Variants in KHDRBS3 observed in about 807,000 individuals in gnomAD.
KHDRBS3 encodes the protein KH RNA binding domain containing, signal transduction associated 3.
In KHDRBS3, 23 loss-of-function variants were observed where a neutral mutation model predicts 45.6. That is an observed-to-expected ratio of 0.50 (90% CI 0.36 to 0.72). KHDRBS3 has a LOEUF of 0.72. Ranked by LOEUF, KHDRBS3 falls within the 30% of genes least tolerant of loss-of-function variation. The probability of loss-of-function intolerance (pLI) is 0.00; values close to 1 mark genes in which losing one functional copy is unlikely to be tolerated. For missense variants in KHDRBS3, 352 were observed against 424.8 expected (o/e 0.83, Z 1.51); for synonymous variants, 162 against 156.5 (o/e 1.04, Z -0.26).
Position 135,602,576 on chromosome 8 carries a change from G to GTT in KHDRBS3, c.808-4370_808-4369dup, listed in dbSNP as rs5895318. ...AAACAGTATACTGCTTAATATTTTA[G>GTT]TTTTTTTTTTATAATTCTAGTCATT... On this transcript the variant is annotated intron_variant, in intron 6 of 8. Coordinates refer to ENST00000355849, the MANE Select transcript of KHDRBS3 (RefSeq NM_006558.3). Among the ~76,000 whole-genome samples the GTT allele has an allele frequency of 4.6e-4, 69 of 150,192 alleles. 1 individual carries two copies. In the East Asian group the frequency reaches 5.7e-3, roughly 12 times the overall value.
At chr8:135,465,122 TAACTC>T (rs1167855682) in intron 1 of KHDRBS3, among the ~76,000 whole-genome samples, 11 of 152,212 alleles carry the variant, frequency 7.2e-5, no homozygotes, top group Non-Finnish European at 1.5e-4. Flanking sequence ...GAAACAGTGT[TAACTC>T]AACAAGGAAT....
intron 1 of KHDRBS3, among the ~76,000 whole-genome samples, chr8:135,511,533 GT>G (rs1248851856): frequency 6.6e-6 from 1 of 150,620 alleles, no homozygotes; most frequent in South Asian, 2.1e-4. Context: ...TATTTGCTCT[GT>G]TTTTTTGTTT....
chr8:135,498,481 A>C (rs1302360329), intron 1 of KHDRBS3, among the ~76,000 whole-genome samples: 1 of 152,216 alleles, frequency 6.6e-6, no homozygotes, highest in Non-Finnish European at 1.5e-5. Context: ...TAGATTTCAT[A>C]GCCCTGCCTA....
chr8:135,458,931 T>C (rs1346456720), intron 1 of KHDRBS3: 2 of 456,202 alleles, frequency 4.4e-6, no homozygotes, highest in Non-Finnish European at 8.8e-6. Flanking sequence ...CCTTCCTTCC[T>C]GGGAGCAGTC....
Position 135,581,952 on chromosome 8 carries a change from T to TGTCC in KHDRBS3, c.687_690dup (p.Thr231ValfsTer41). 6.2e-7 allele frequency: 1 copy of TGTCC among 1,613,602 alleles called. No homozygotes were observed. The highest frequency in any genetic ancestry group is 8.5e-7 in the Non-Finnish European group (1 of 1,179,710). On this transcript the variant is annotated frameshift_variant, in exon 6 of 9. Coordinates refer to ENST00000355849, the MANE Select transcript of KHDRBS3 (RefSeq NM_006558.3). LOFTEE classifies it high-confidence loss of function. ...GGGACGCCAACTCCCAGAGGAGTCC[T>TGTCC]GTCCACCCGAGGGCCAGTGAGTCGG...
At chr8:135,651,815 G>A (rs775832674), downstream of KHDRBS3, among the ~76,000 whole-genome samples, 24 of 152,124 alleles carry the variant, frequency 1.6e-4, no homozygotes, top group Non-Finnish European at 3.2e-4. Context: ...GTCACTGTGA[G>A]CAAGATGATT....
intron 7 of KHDRBS3, among the ~76,000 whole-genome samples, chr8:135,610,839 A>C (rs532629038): frequency 4.7e-4 from 72 of 151,956 alleles, no homozygotes; most frequent in Middle Eastern, 3.4e-3. Flanking sequence ...TGTGGCACAC[A>C]GGAGCTGTGG....
intron 1 of KHDRBS3, among the ~76,000 whole-genome samples, chr8:135,507,666 T>C (rs1014029719): frequency 3.3e-5 from 5 of 152,208 alleles, no homozygotes; most frequent in African/African-American, 9.7e-5. Flanking sequence ...TGTGAAGAGA[T>C]AGCATCTGAC....
chr8:135,467,461 C>T (rs890933116), intron 1 of KHDRBS3, among the ~76,000 whole-genome samples: 1 of 152,242 alleles, frequency 6.6e-6, no homozygotes, highest in African/African-American at 2.4e-5. Flanking sequence ...AAGTCAAGAT[C>T]ACACATTTCG....
intron 2 of KHDRBS3, 88 bp from the exon 3 acceptor site, chr8:135,542,566 T>C (rs1826095705): frequency 1.2e-6 from 1 of 812,192 alleles, no homozygotes; most frequent in Middle Eastern, 2.5e-4. Context: ...CAATGATGTG[T>C]AGCACACTAC....
intron 6 of KHDRBS3, among the ~76,000 whole-genome samples, chr8:135,601,916 C>T (rs367571844): frequency 2.6e-5 from 4 of 152,136 alleles, no homozygotes; most frequent in African/African-American, 7.2e-5. Flanking sequence ...TGAGAAAAAA[C>T]GAGCAACCAG....
chr8:135,513,842 T>G (rs1824432422), intron 1 of KHDRBS3, among the ~76,000 whole-genome samples: 1 of 152,164 alleles, frequency 6.6e-6, no homozygotes, highest in Non-Finnish European at 1.5e-5. Flanking sequence ...TAAAGAGCTA[T>G]AGTCATGTCT....
At chr8:135,646,766 C>T (rs1338902524) in intron 8 of KHDRBS3, among the ~76,000 whole-genome samples, 1 of 152,122 alleles carries the variant, frequency 6.6e-6, no homozygotes, top group Non-Finnish European at 1.5e-5. Context: ...ATACAAGAAC[C>T]GTTTATCTTC....
chr8:135,536,996 AAG>A (rs1825807509), intron 2 of KHDRBS3, among the ~76,000 whole-genome samples: 2 of 19,964 alleles, frequency 1.0e-4, no homozygotes, highest in African/African-American at 2.1e-4. Context: ...AAAAAAAAAA[AAG>A]GAGATGTTTA....
chr8:135,600,541 T>C (rs1478233178), intron 6 of KHDRBS3, among the ~76,000 whole-genome samples: 1 of 152,162 alleles, frequency 6.6e-6, no homozygotes, highest in African/African-American at 2.4e-5. Flanking sequence ...CCTTCCTAGG[T>C]GTGTGTGGAC....
chr8:135,494,937 T>G (rs959773052), intron 1 of KHDRBS3, among the ~76,000 whole-genome samples: 2 of 152,182 alleles, frequency 1.3e-5, no homozygotes, highest in South Asian at 2.1e-4. Flanking sequence ...TTGCTTTGAT[T>G]GAGAGTCTGT....
At chr8:135,518,162 TG>T (rs1446583785) in intron 1 of KHDRBS3, among the ~76,000 whole-genome samples, 3 of 152,092 alleles carry the variant, frequency 2.0e-5, no homozygotes, top group African/African-American at 4.8e-5. Context: ...TAAACTACTT[TG>T]TTTTTTTTTG....
chr8:135,499,075 G>A (rs1823600538), intron 1 of KHDRBS3, among the ~76,000 whole-genome samples: 2 of 152,274 alleles, frequency 1.3e-5, no homozygotes, highest in South Asian at 4.1e-4. Flanking sequence ...TAGTGGGCAG[G>A]CACCTGATTA....
At chr8:135,520,862 G>T (rs1172794234) in intron 1 of KHDRBS3, among the ~76,000 whole-genome samples, 2 of 152,204 alleles carry the variant, frequency 1.3e-5, no homozygotes, top group Non-Finnish European at 1.5e-5. Flanking sequence ...GGCAAGATTG[G>T]TAACTAGGGA....
Sources: gnomAD v4.1 joint callset for allele counts (sites outside exome capture counted in the v4.1 genomes callset) on GRCh38, gnomAD v4.1.1 for gene constraint, MANE v1.5 for transcripts, NCBI Gene and HGNC (gene_info 2026-07-23, HGNC 2026-07-21) for gene names.